Variants in PPFIBP1 observed in about 807,000 individuals in gnomAD.
The protein encoded by PPFIBP1 is liprin-beta-1.
In PPFIBP1, 112 loss-of-function variants were observed where a neutral mutation model predicts 137.8. That is an observed-to-expected ratio of 0.81 (90% CI 0.70 to 0.95). The LOEUF is 0.95. Among genes scored for constraint, PPFIBP1 ranks in the 40% least tolerant of loss-of-function variants. The pLI is 0.00. For synonymous variants in PPFIBP1, 378 were observed against 417.3 expected, an observed-to-expected ratio of 0.91 and a Z score of 1.15; for missense variants, 1,083 against 1,196.6, an observed-to-expected ratio of 0.91 and a Z score of 1.40.
intron 2 of PPFIBP1, among the ~76,000 whole-genome samples, chr12:27,629,585 A>G (rs1451508903): frequency 3.3e-5 from 5 of 152,180 alleles, no homozygotes; most frequent in Admixed American, 3.3e-4. Flanking sequence ...ATAATATTCC[A>G]TTGTATTAGA....
intron 24 of PPFIBP1, 110 bp from the exon 25 acceptor site, chr12:27,687,275 A>G: frequency 7.5e-7 from 1 of 1,333,044 alleles, no homozygotes; most frequent in Non-Finnish European, 1.0e-6. Flanking sequence ...CTTGGGGCAT[A>G]TTGGTTTGAG....
chr12:27,607,567 G>C (rs1222756996), intron 2 of PPFIBP1, among the ~76,000 whole-genome samples: 1 of 152,196 alleles, frequency 6.6e-6, no homozygotes, highest in Non-Finnish European at 1.5e-5. Flanking sequence ...CAAAGTTCCT[G>C]ATTCAGTAGG....
At chr12:27,571,302 G>C (rs2050125609) in intron 1 of PPFIBP1, among the ~76,000 whole-genome samples, 1 of 152,008 alleles carries the variant, frequency 6.6e-6, no homozygotes, top group Admixed American at 6.6e-5. Context: ...CATTTTTCCA[G>C]GTTTTTCTTG....
chr12:27,656,783 A>G lies in PPFIBP1; in HGVS notation c.811+53A>G. On this transcript the variant is annotated intron_variant, in intron 9 of 29. Transcript: ENST00000228425. ...TCTCATTTTGTTAAAGTCCTCCAAA[A>G]TCTGTAAAGGAAACCAATGAAAATC... 4.1e-6 allele frequency: 5 copies of G among 1,219,814 alleles called. No homozygotes were observed. The South Asian group carries it at 5.1e-5, about 12-fold the overall frequency. The allele number at this position is 1,219,814 out of a possible 1,614,324, so 75.6% of individuals were successfully genotyped here.
intron 1 of PPFIBP1, among the ~76,000 whole-genome samples, chr12:27,575,225 A>G (rs2136781838): frequency 6.6e-6 from 1 of 152,326 alleles, no homozygotes; most frequent in African/African-American, 2.4e-5. Context: ...ATGTAAATGT[A>G]TGGGTGTGGC....
chr12:27,594,143 T>C (rs934627772), intron 2 of PPFIBP1: 2 of 544,894 alleles, frequency 3.7e-6, no homozygotes, highest in Non-Finnish European at 5.7e-6. Context: ...ATCATGGTAC[T>C]TAAGCAAAAA....
rs1945663488 is a variant in PPFIBP1 at position 27,541,497 on chromosome 12, A to C, written c.-124+17132A>C. ...GCATGTGTTGAGTCTGTGAGAAGGC[A>C]GGCGGAGCAGAGACTCAGGCCACAT... On this transcript the variant is annotated intron_variant, in intron 1 of 29. Coordinates refer to ENST00000228425, the MANE Select transcript of PPFIBP1 (RefSeq NM_003622.4). Among the ~76,000 whole-genome samples, 16 of 152,266 alleles carry C rather than the reference A, an allele frequency of 1.1e-4. No individual in the cohort carries two copies. The South Asian group carries it at 3.3e-3, about 32-fold the overall frequency.
At chr12:27,552,320 C>T (rs929326493) in intron 1 of PPFIBP1, among the ~76,000 whole-genome samples, 3 of 152,136 alleles carry the variant, frequency 2.0e-5, no homozygotes, top group South Asian at 2.1e-4. Flanking sequence ...AGAATTGAAC[C>T]GCTATCAGGT....
At chr12:27,573,702 G>A (rs891467348) in intron 1 of PPFIBP1, among the ~76,000 whole-genome samples, 10 of 152,334 alleles carry the variant, frequency 6.6e-5, no homozygotes, top group African/African-American at 1.7e-4. Context: ...GTTAAAAGCC[G>A]GCGGGTGCAG....
chr12:27,550,633 AC>A (rs1324665885), intron 1 of PPFIBP1, among the ~76,000 whole-genome samples: 1 of 152,192 alleles, frequency 6.6e-6, no homozygotes, highest in Non-Finnish European at 1.5e-5. Context: ...CAGAGATTAT[AC>A]CTTACTACAT....
chr12:27,527,922 T>C (rs981944461), intron 1 of PPFIBP1, among the ~76,000 whole-genome samples: 1 of 152,158 alleles, frequency 6.6e-6, no homozygotes, highest in African/African-American at 2.4e-5. Flanking sequence ...CTGTCTCATT[T>C]TGATGCAGGG....
intron 1 of PPFIBP1, among the ~76,000 whole-genome samples, chr12:27,533,425 G>A (rs563012665): frequency 1.3e-5 from 2 of 152,212 alleles, no homozygotes; most frequent in South Asian, 2.1e-4. Flanking sequence ...TTACGATGAG[G>A]AATCTGAGGC....
At chr12:27,674,057 A>C (rs561751661) in intron 16 of PPFIBP1, 135 bp from the exon 17 acceptor site, 1 of 869,344 alleles carries the variant, frequency 1.2e-6, no homozygotes, top group African/African-American at 1.7e-5. Flanking sequence ...CATTTTGGAA[A>C]ATAAACAATA....
At chr12:27,688,901 T>C in intron 26 of PPFIBP1, 114 bp from the exon 27 acceptor site, 1 of 982,100 alleles carries the variant, frequency 1.0e-6, no homozygotes, top group East Asian at 2.6e-5. Context: ...ACCGGGCTGT[T>C]GAGAGGATCA....
intron 1 of PPFIBP1, among the ~76,000 whole-genome samples, chr12:27,533,825 G>A (rs1209705356): frequency 6.6e-6 from 1 of 152,146 alleles, no homozygotes; most frequent in East Asian, 1.9e-4. Context: ...AAAGAAGTTA[G>A]GAGAGGAGAT....
intron 2 of PPFIBP1, among the ~76,000 whole-genome samples, chr12:27,581,949 C>T (rs1223039635): frequency 6.6e-6 from 1 of 151,572 alleles, no homozygotes; most frequent in Admixed American, 6.6e-5. Context: ...AGAACTCTCT[C>T]TTCAAGCAGA....
At chr12:27,638,622 C>G (rs1490942461) in intron 4 of PPFIBP1, among the ~76,000 whole-genome samples, 1 of 152,136 alleles carries the variant, frequency 6.6e-6, no homozygotes, top group African/African-American at 2.4e-5. Flanking sequence ...AAAGGTAATA[C>G]TGAAGAGCAG....
At position 27,674,195 on chromosome 12, in the gene PPFIBP1, A is replaced by C. The variant is rs867536358; in HGVS notation, c.1384A>C (p.Lys462Gln). ...NLKKETSDGEKETIQKTSEDR... is the reference protein window; with the variant it reads ...NLKKETSDGEQETIQKTSEDR... ...ATATTGTTATTGCTTTGAACAGGAA[A>C]AGGAAACTATTCAGAAGACTTCAGA... Residue 462 changes from lysine (K) to glutamine (Q), a missense_variant, in exon 17 of 30, where the codon AAG becomes CAG. By Grantham distance (53) the Lys-to-Gln change is moderately conservative. Coordinates refer to ENST00000228425, the MANE Select transcript of PPFIBP1 (RefSeq NM_003622.4). 1.9e-6 allele frequency: 3 copies of C among 1,595,670 alleles called. No individual in the cohort carries two copies. In the African/African-American group the frequency reaches 4.0e-5, roughly 21 times the overall value.
At position 27,601,023 on chromosome 12, in the gene PPFIBP1, A is replaced by G. The variant is rs560157427; in HGVS notation, c.-36+22784A>G. Among the ~76,000 whole-genome samples, 5 of 152,298 alleles carry G rather than the reference A, an allele frequency of 3.3e-5. 1 individual carries two copies. In the South Asian group the frequency reaches 1.0e-3, roughly 32 times the overall value. On this transcript the variant is annotated intron_variant, in intron 2 of 29. Transcript: ENST00000228425. Reference sequence around the variant, plus strand: ...ATTTTTAAGTATACAGTACATTATTATTAACTGTCATCACCTTGCTATGCA... The same window carrying G: ...ATTTTTAAGTATACAGTACATTATTGTTAACTGTCATCACCTTGCTATGCA...
Sources: gnomAD v4.1 joint callset for allele counts (sites outside exome capture counted in the v4.1 genomes callset) on GRCh38, gnomAD v4.1.1 for gene constraint, MANE v1.5 for transcripts, NCBI Gene and HGNC (gene_info 2026-07-23, HGNC 2026-07-21) for gene names.